The following LSAMP variants were observed in gnomAD, a reference collection of about 807,000 sequenced individuals.
LSAMP encodes limbic system associated membrane protein, also known as limbic system-associated membrane protein.
A neutral mutation model predicts 38.6 loss-of-function variants in LSAMP; 7 were observed. The ratio of observed to expected loss-of-function variants is 0.18; its 90% CI spans 0.10 to 0.34. LSAMP has a LOEUF of 0.34. Ranked by LOEUF, LSAMP falls within the 10% of genes least tolerant of loss-of-function variation. The pLI is 1.00. For missense variants in LSAMP, 313 were observed against 420.0 expected (o/e 0.75, Z 2.23); for synonymous variants, 154 against 166.8 (o/e 0.92, Z 0.59).
chr3:116,427,545 C>T (rs2049219301), intron 1 of LSAMP, among the ~76,000 whole-genome samples: 1 of 152,114 alleles, frequency 6.6e-6, no homozygotes, highest in Admixed American at 6.5e-5. Flanking sequence ...TTTATTTGTA[C>T]AGGTTCCTTG....
At chr3:116,086,583 T>C (rs1559737225) in intron 1 of LSAMP, 27 bp from the exon 2 acceptor site, 1 of 1,556,596 alleles carries the variant, frequency 6.4e-7, no homozygotes, top group Non-Finnish European at 8.9e-7. Context: ...ACAATATTAG[T>C]GCCTTAACAA....
At chr3:116,399,362 C>T (rs990946771) in intron 1 of LSAMP, among the ~76,000 whole-genome samples, 6 of 151,974 alleles carry the variant, frequency 3.9e-5, no homozygotes, top group Non-Finnish European at 8.8e-5. Context: ...TTTTAAAGAT[C>T]TAAGCAAGAA....
chr3:116,191,180 G>A lies in LSAMP; in HGVS notation c.156-104624C>T, dbSNP rs541367660. On this transcript the variant is annotated intron_variant, in intron 1 of 6. Coordinates refer to ENST00000490035, the MANE Select transcript of LSAMP (RefSeq NM_002338.5). ...GGAGCTTGCAGTGAGCCAAGATTGC[G>A]CCACTGCACTTCAGCCTGGGCAATA... Among the ~76,000 whole-genome samples the A allele has an allele frequency of 1.5e-4, 23 of 152,200 alleles. No individual in the cohort carries two copies. In the South Asian group the frequency reaches 3.7e-3, roughly 25 times the overall value.
rs1187812304 is a variant in LSAMP, at chr3:116,114,070, C to T, written c.156-27514G>A. ...AACCAAGGATTGCTAAGAAATCCCC[C>T]ACCCTTTTGTGTTCCAGAAAATGGC... On this transcript the variant is annotated intron_variant, in intron 1 of 6. Coordinates refer to ENST00000490035, the MANE Select transcript of LSAMP (RefSeq NM_002338.5). Among the ~76,000 whole-genome samples, 5 of 152,260 alleles carry T rather than the reference C, an allele frequency of 3.3e-5. No homozygotes were observed. The East Asian group carries it at 9.6e-4, about 29-fold the overall frequency.
chr3:116,326,418 C>A (rs546112851), intron 1 of LSAMP, among the ~76,000 whole-genome samples: 1 of 152,162 alleles, frequency 6.6e-6, no homozygotes, highest in Non-Finnish European at 1.5e-5. Context: ...ACACAACCAT[C>A]CTCTAGCAGA....
At chr3:116,094,530 C>T (rs926476216) in intron 1 of LSAMP, among the ~76,000 whole-genome samples, 9 of 152,226 alleles carry the variant, frequency 5.9e-5, no homozygotes, top group African/African-American at 2.2e-4. Context: ...TCCCCTCACC[C>T]TTGCTTCTTT....
intron 3 of LSAMP, among the ~76,000 whole-genome samples, chr3:115,918,616 T>C (rs1937307572): frequency 6.6e-6 from 1 of 152,096 alleles, no homozygotes; most frequent in South Asian, 2.1e-4. Flanking sequence ...GGCTGAGTGA[T>C]GATGAACTGC....
intron 1 of LSAMP, among the ~76,000 whole-genome samples, chr3:116,333,499 A>T (rs2047879192): frequency 6.7e-6 from 1 of 149,990 alleles, no homozygotes; most frequent in African/African-American, 2.5e-5. Context: ...GTGCCACTGC[A>T]CTCTAGCCTG....
At chr3:115,901,820 G>T (rs1339309898) in intron 3 of LSAMP, among the ~76,000 whole-genome samples, 1 of 151,878 alleles carries the variant, frequency 6.6e-6, no homozygotes, top group Admixed American at 6.6e-5. Flanking sequence ...CACTTTACAA[G>T]TAAAGAACAT....
chr3:116,443,649 C>T (rs1184127261), intron 1 of LSAMP, among the ~76,000 whole-genome samples: 2 of 152,170 alleles, frequency 1.3e-5, no homozygotes, highest in African/African-American at 4.8e-5. Context: ...GGTTTATGCA[C>T]TATCAGCTCC....
chr3:116,054,023 G>A (rs1941443618), intron 2 of LSAMP, among the ~76,000 whole-genome samples: 3 of 152,148 alleles, frequency 2.0e-5, no homozygotes, highest in Admixed American at 6.6e-5. Flanking sequence ...TTAGAGATCA[G>A]ATGTCCAAAA....
intron 1 of LSAMP, among the ~76,000 whole-genome samples, chr3:116,326,887 T>C (rs1313241855): frequency 6.6e-6 from 1 of 151,858 alleles, no homozygotes; most frequent in Non-Finnish European, 1.5e-5. Context: ...TGGTCGTGGG[T>C]GTCATGAAAA....
rs111526808 is a variant in LSAMP, at chr3:116,161,628, A to G, written c.156-75072T>C. Among the ~76,000 whole-genome samples the G allele has an allele frequency of 1.3e-3, 204 of 152,292 alleles. 1 individual carries two copies. The highest frequency in any genetic ancestry group is 3.4e-3 in the African/African-American group (141 of 41,562). The stretch of plus-strand genomic sequence containing the variant: ...CAGATCCACTGACCTCCCTGTTCTA[A>G]GCAAACAGGAGGAATGCTGACTGCC... On this transcript the variant is annotated intron_variant, in intron 1 of 6. Coordinates refer to ENST00000490035, the MANE Select transcript of LSAMP (RefSeq NM_002338.5).
intron 1 of LSAMP, among the ~76,000 whole-genome samples, chr3:116,101,752 T>A (rs1020785683): frequency 6.6e-6 from 1 of 152,138 alleles, no homozygotes; most frequent in Non-Finnish European, 1.5e-5. Context: ...ATAACTCAAA[T>A]TCTAAAAATA....
chr3:115,952,216 G>C (rs1304168868), intron 3 of LSAMP, among the ~76,000 whole-genome samples: 1 of 152,144 alleles, frequency 6.6e-6, no homozygotes, highest in Non-Finnish European at 1.5e-5. Context: ...CCACTACTGG[G>C]TATCTACCCA....
chr3:115,891,400 C>T (rs980037286), intron 3 of LSAMP, among the ~76,000 whole-genome samples: 2 of 151,984 alleles, frequency 1.3e-5, no homozygotes, highest in Non-Finnish European at 2.9e-5. Context: ...CCTGGGCTGG[C>T]CTGATGAAAG....
intron 4 of LSAMP, among the ~76,000 whole-genome samples, chr3:115,843,864 T>G (rs537841006): frequency 6.6e-5 from 10 of 152,330 alleles, no homozygotes; most frequent in African/African-American, 2.4e-4. Context: ...ACAGCACATT[T>G]GAATAAACAC....
At chr3:115,990,185 G>A (rs1939626872) in intron 3 of LSAMP, among the ~76,000 whole-genome samples, 1 of 152,036 alleles carries the variant, frequency 6.6e-6, no homozygotes, top group Admixed American at 6.6e-5. Flanking sequence ...CAGTCAGTGA[G>A]ATAGAAATCT....
intron 1 of LSAMP, among the ~76,000 whole-genome samples, chr3:116,204,274 T>G (rs1008932106): frequency 1.7e-4 from 25 of 150,784 alleles, no homozygotes; most frequent in Non-Finnish European, 3.1e-4. Context: ...TAAATTTGTT[T>G]GAGTTCATTG....
Sources: allele counts gnomAD v4.1 joint callset (sites outside exome capture counted in the v4.1 genomes callset), GRCh38; gene constraint gnomAD v4.1.1; transcripts MANE v1.5; gene names NCBI Gene and HGNC (gene_info 2026-07-23, HGNC 2026-07-21).